The following FBXO32 variants were observed in gnomAD, a reference collection of about 807,000 sequenced individuals.
FBXO32 encodes F-box protein 32.
In FBXO32, 15 loss-of-function variants were observed where a neutral mutation model predicts 48.3. That is an observed-to-expected ratio of 0.31 (90% CI 0.21 to 0.48). The LOEUF is 0.48. Among genes scored for constraint, FBXO32 ranks in the 20% least tolerant of loss-of-function variants. The pLI is 0.99. For synonymous variants in FBXO32, 154 were observed against 165.9 expected, an observed-to-expected ratio of 0.93 and a Z score of 0.55; for missense variants, 309 against 432.7, an observed-to-expected ratio of 0.71 and a Z score of 2.54.
intron 1 of FBXO32, among the ~76,000 whole-genome samples, chr8:123,535,907 T>TGAAAA (rs1335143807): frequency 2.0e-5 from 3 of 152,004 alleles, no homozygotes; most frequent in African/African-American, 7.3e-5. Context: ...AAAATGTAAC[T>TGAAAA]TGATTTACAT....
chr8:123,508,002 C>A (rs929165411), intron 6 of FBXO32, among the ~76,000 whole-genome samples: 1 of 152,204 alleles, frequency 6.6e-6, no homozygotes, highest in African/African-American at 2.4e-5. Flanking sequence ...CAGGATGCTG[C>A]CATCCAGATA....
chr8:123,521,078 T>C (rs546087189), intron 4 of FBXO32, among the ~76,000 whole-genome samples: 1 of 152,318 alleles, frequency 6.6e-6, no homozygotes, highest in South Asian at 2.1e-4. Context: ...CCTGTTGCCA[T>C]CTTCACCTTA....
rs1162797731 is a variant in FBXO32 at position 123,502,297 on chromosome 8, C to G, written c.*1076G>C. 6.6e-6 allele frequency: 1 copy of G among 152,232 alleles called. No individual in the cohort carries two copies. Among genetic ancestry groups the G allele is most frequent in the Non-Finnish European group, 1.5e-5 (1 of 68,070 alleles). The allele number at this position is 152,232 out of a possible 1,614,324, so 9.4% of individuals were successfully genotyped here. A position where few individuals can be genotyped will look rare whatever the true frequency, so the allele number is the denominator to read the frequency against. Reference sequence around the variant, plus strand: ...TCTTTCGAGCCTCAGCACTTGGGCCCCACTCTGTCCACAGACACAGGCTTA... The same window carrying G: ...TCTTTCGAGCCTCAGCACTTGGGCCGCACTCTGTCCACAGACACAGGCTTA... On this transcript the variant is annotated 3_prime_UTR_variant, in exon 9 of 9. Coordinates refer to ENST00000517956, the MANE Select transcript of FBXO32 (RefSeq NM_058229.4).
At chr8:123,519,962 A>G (rs1218687650) in intron 4 of FBXO32, among the ~76,000 whole-genome samples, 5 of 151,996 alleles carry the variant, frequency 3.3e-5, no homozygotes, top group African/African-American at 1.2e-4. Context: ...TAATTTTTGT[A>G]TTTTTAGTAG....
chr8:123,505,473 C>T (rs534877559), intron 7 of FBXO32, among the ~76,000 whole-genome samples: 16 of 152,362 alleles, frequency 1.1e-4, no homozygotes, highest in Admixed American at 4.6e-4. Context: ...CGGTGGCTCA[C>T]GCCTGTAATC....
intron 4 of FBXO32, among the ~76,000 whole-genome samples, chr8:123,515,108 G>T (rs183937993): frequency 6.6e-6 from 1 of 152,264 alleles, no homozygotes; most frequent in Non-Finnish European, 1.5e-5. Flanking sequence ...TTAATACAAG[G>T]TTGAGTATTT....
intron 4 of FBXO32, among the ~76,000 whole-genome samples, chr8:123,524,495 G>A (rs1817030372): frequency 6.6e-6 from 1 of 152,156 alleles, no homozygotes; most frequent in Non-Finnish European, 1.5e-5. Context: ...TTTCAGAAGG[G>A]TGGGGTCACA....
At chr8:123,529,778 G>T (rs1171032971) in intron 4 of FBXO32, among the ~76,000 whole-genome samples, 1 of 152,118 alleles carries the variant, frequency 6.6e-6, no homozygotes, top group East Asian at 1.9e-4. Context: ...AAAGATAAAA[G>T]GTGAAAATGA....
At chr8:123,539,824 C>T (rs1447399843) in intron 1 of FBXO32, among the ~76,000 whole-genome samples, 2 of 152,198 alleles carry the variant, frequency 1.3e-5, no homozygotes, top group African/African-American at 2.4e-5. Context: ...TTTAAGGGTG[C>T]AGGGGCCCAT....
intron 4 of FBXO32, among the ~76,000 whole-genome samples, chr8:123,531,429 A>G (rs1817206564): frequency 6.6e-6 from 1 of 152,222 alleles, no homozygotes; most frequent in African/African-American, 2.4e-5. Flanking sequence ...GGGGTCCCCC[A>G]GAGTCAGCTG....
intron 4 of FBXO32, among the ~76,000 whole-genome samples, chr8:123,530,876 C>T (rs1408383168): frequency 6.6e-6 from 1 of 151,504 alleles, no homozygotes; most frequent in African/African-American, 2.4e-5. Flanking sequence ...CTTAGCCTCC[C>T]AAAGTGCTGG....
chr8:123,538,725 A>G (rs1414095927), intron 1 of FBXO32, among the ~76,000 whole-genome samples: 3 of 152,208 alleles, frequency 2.0e-5, no homozygotes, highest in Non-Finnish European at 4.4e-5. Context: ...TCAAAGGACC[A>G]CAGGTGGTCA....
At chr8:123,534,880 T>G in intron 1 of FBXO32, 66 bp from the exon 2 acceptor site, 1 of 952,634 alleles carries the variant, frequency 1.0e-6, no homozygotes, top group Non-Finnish European at 1.6e-6. Context: ...GCTGTTTCTA[T>G]AAATAACTCA....
At position 123,506,601 on chromosome 8, in the gene FBXO32, G is replaced by T. The variant is rs1294464210; in HGVS notation, c.652-27C>A. On this transcript the variant is annotated intron_variant, in intron 6 of 8. Coordinates refer to ENST00000517956, the MANE Select transcript of FBXO32 (RefSeq NM_058229.4). The surrounding 1 kb of genome is among the most constrained non-coding windows in gnomAD (Gnocchi z 4.0). Reference sequence around the variant, plus strand: ...TGCAGAGAGAAGGGTGACAATAGGTGGGGGGGCCAGAGAGCAGCGATTCAC... The same window carrying T: ...TGCAGAGAGAAGGGTGACAATAGGTTGGGGGGCCAGAGAGCAGCGATTCAC... 7 of 1,552,478 alleles carry T rather than the reference G, an allele frequency of 4.5e-6. No individual in the cohort carries two copies. Among genetic ancestry groups the T allele is most frequent in the South Asian group, 2.4e-5 (2 of 82,126 alleles).
chr8:123,511,449 C>T (rs1015410971), intron 6 of FBXO32, among the ~76,000 whole-genome samples: 2 of 151,218 alleles, frequency 1.3e-5, no homozygotes, highest in African/African-American at 4.9e-5. Context: ...GAGGCAAGCT[C>T]CAGGCAAATG....
chr8:123,540,456 G>A lies in FBXO32; in HGVS notation c.116+443C>T, dbSNP rs1587006552. Among the ~76,000 whole-genome samples, 1 of 152,346 alleles carries A rather than the reference G, an allele frequency of 6.6e-6. No individual in the cohort carries two copies. Among genetic ancestry groups the A allele is most frequent in the South Asian group, 2.1e-4 (1 of 4,832 alleles). On this transcript the variant is annotated intron_variant, in intron 1 of 8. Transcript: ENST00000517956. The surrounding 1 kb of genome is among the most constrained non-coding windows in gnomAD (Gnocchi z 6.4). The stretch of plus-strand genomic sequence containing the variant: ...TTCGTCGGATCCCGTCACCTGTCGC[G>A]TCCACAGCGCTTGGGCGCTGGGAGC...
At chr8:123,510,891 C>T (rs1816721650) in intron 6 of FBXO32, among the ~76,000 whole-genome samples, 1 of 152,174 alleles carries the variant, frequency 6.6e-6, no homozygotes, top group African/African-American at 2.4e-5. Flanking sequence ...ATCATAGCTG[C>T]TCGGAAGAAG....
Position 123,503,177 on chromosome 8 carries a change from G to A in FBXO32, c.*196C>T. Reference sequence around the variant, plus strand: ...ATTTTGCTTTTCCATACCAATTCTAGTGAGAAGTTCACATTCTTAAATTCC... The same window carrying A: ...ATTTTGCTTTTCCATACCAATTCTAATGAGAAGTTCACATTCTTAAATTCC... On this transcript the variant is annotated 3_prime_UTR_variant, in exon 9 of 9. Transcript: ENST00000517956. The A allele has an allele frequency of 2.1e-6, 1 of 474,622 alleles. No individual in the cohort carries two copies. The highest frequency in any genetic ancestry group is 3.7e-6 in the Non-Finnish European group (1 of 267,590). The allele number at this position is 474,622 out of a possible 1,614,324, so 29.4% of individuals were successfully genotyped here.
chr8:123,504,503 G>C (rs1816570400), intron 8 of FBXO32, 101 bp downstream of exon 8: 1 of 1,014,470 alleles, frequency 9.9e-7, no homozygotes. Flanking sequence ...GGCTGTGATG[G>C]GGAAGAGGCG....
Sources: gnomAD v4.1 joint callset for allele counts (sites outside exome capture counted in the v4.1 genomes callset) on GRCh38, gnomAD v4.1.1 for gene constraint, Gnocchi (gnomAD v3.1) non-coding constraint, MANE v1.5 for transcripts, NCBI Gene and HGNC (gene_info 2026-07-23, HGNC 2026-07-21) for gene names.